Variants in VEPH1 observed in about 807,000 individuals in gnomAD.
VEPH1 encodes ventricular zone expressed PH domain containing 1, also known as ventricular zone-expressed PH domain-containing protein homolog 1.
VEPH1 carries 80 observed loss-of-function variants against 85.2 expected under a neutral mutation model. That is an observed-to-expected ratio of 0.94 (90% CI 0.78 to 1.13). The LOEUF is 1.13. Ranked by LOEUF, VEPH1 falls within the 50% of genes most tolerant of loss-of-function variation. The pLI is 0.00. For synonymous variants in VEPH1, 297 were observed against 348.0 expected (o/e 0.85, Z 1.63); for missense variants, 955 against 980.5 (o/e 0.97, Z 0.35).
intron 2 of VEPH1, among the ~76,000 whole-genome samples, chr3:157,482,121 T>C (rs1738162713): frequency 6.6e-6 from 1 of 152,232 alleles, no homozygotes; most frequent in African/African-American, 2.4e-5. Flanking sequence ...TCCAGCTTTG[T>C]AATTTTTGCT....
intron 2 of VEPH1, among the ~76,000 whole-genome samples, chr3:157,470,772 A>C (rs58646566): frequency 0.02 from 3,010 of 152,252 alleles, 123 homozygotes; most frequent in African/African-American, 0.07. Flanking sequence ...GGGATCCCTG[A>C]GAGTACACAG....
chr3:157,473,775 T>C lies in VEPH1; in HGVS notation c.139-3246A>G, dbSNP rs190452933. 1.6e-4 allele frequency among the ~76,000 whole-genome samples: 25 copies of C among 152,242 alleles called. 1 individual carries two copies. Among genetic ancestry groups the C allele is most frequent in the African/African-American group, 4.8e-4 (20 of 41,580 alleles). The stretch of plus-strand genomic sequence containing the variant: ...GGTGAGAGATTTTATAATATTATAA[T>C]TTACAATATTAAAGAGGTATCAGTC... On this transcript the variant is annotated intron_variant, in intron 2 of 13. Coordinates refer to ENST00000362010, the MANE Select transcript of VEPH1 (RefSeq NM_001167912.2).
intron 1 of VEPH1, among the ~76,000 whole-genome samples, chr3:157,497,229 A>T (rs1009978603): frequency 6.6e-6 from 1 of 152,146 alleles, no homozygotes; most frequent in Non-Finnish European, 1.5e-5. Flanking sequence ...CAGGGTTATC[A>T]AGCAAGAAAA....
chr3:157,267,852 A>G (rs1474627446), intron 12 of VEPH1, among the ~76,000 whole-genome samples: 2 of 152,204 alleles, frequency 1.3e-5, no homozygotes, highest in African/African-American at 2.4e-5. Flanking sequence ...AATATAGAAT[A>G]GGGAGTAAGT....
At chr3:157,379,090 C>T (rs1449234175) in intron 7 of VEPH1, among the ~76,000 whole-genome samples, 2 of 152,144 alleles carry the variant, frequency 1.3e-5, no homozygotes, top group South Asian at 2.1e-4. Context: ...CTGTTAATTC[C>T]TGTGCTAAGA....
At chr3:157,363,843 C>A in intron 8 of VEPH1, 82 bp from the exon 9 acceptor site, 2 of 1,485,174 alleles carry the variant, frequency 1.3e-6, no homozygotes, top group Admixed American at 4.1e-5. Flanking sequence ...AATATTGGGA[C>A]AAAAAGTTAC....
chr3:157,421,490 C>T (rs570575601), intron 5 of VEPH1, among the ~76,000 whole-genome samples: 1 of 152,340 alleles, frequency 6.6e-6, no homozygotes, highest in East Asian at 1.9e-4. Context: ...AGTTAGCTTC[C>T]TATTTCACCT....
chr3:157,482,570 TG>T (rs1316329181), intron 2 of VEPH1, among the ~76,000 whole-genome samples: 1 of 152,168 alleles, frequency 6.6e-6, no homozygotes, highest in Admixed American at 6.5e-5. Context: ...TAAATTGCTT[TG>T]GGCAGTATGG....
chr3:157,389,410 A>C (rs1729624125), intron 6 of VEPH1, among the ~76,000 whole-genome samples: 1 of 152,200 alleles, frequency 6.6e-6, no homozygotes. Flanking sequence ...ACTTGTTTAC[A>C]GTATGAGAGC....
chr3:157,363,150 T>C (rs968158558), intron 9 of VEPH1: 16 of 419,446 alleles, frequency 3.8e-5, no homozygotes, highest in Non-Finnish European at 5.8e-5. Flanking sequence ...AGTGGACTTA[T>C]GTGCACCCAA....
chr3:157,300,990 C>T (rs911169181), intron 11 of VEPH1, among the ~76,000 whole-genome samples: 1 of 152,226 alleles, frequency 6.6e-6, no homozygotes, highest in Non-Finnish European at 1.5e-5. Flanking sequence ...ATGTGAACCT[C>T]TCCTCTTATG....
intron 9 of VEPH1, among the ~76,000 whole-genome samples, chr3:157,353,411 G>T (rs1236919280): frequency 1.3e-5 from 2 of 152,100 alleles, no homozygotes; most frequent in East Asian, 3.9e-4. Context: ...GCGACCAGAG[G>T]CATGCCACCA....
intron 7 of VEPH1, among the ~76,000 whole-genome samples, chr3:157,371,045 C>T (rs1727428567): frequency 6.6e-6 from 1 of 152,142 alleles, no homozygotes; most frequent in African/African-American, 2.4e-5. Context: ...ATGGTAAAAC[C>T]CTGAGTGGCT....
At chr3:157,337,572 T>C (rs1036697543) in intron 9 of VEPH1, among the ~76,000 whole-genome samples, 2 of 152,200 alleles carry the variant, frequency 1.3e-5, no homozygotes, top group Non-Finnish European at 2.9e-5. Context: ...CTAAAAGTGG[T>C]AAAATGATAA....
At chr3:157,413,587 C>T (rs1003122425) in intron 6 of VEPH1, 9 of 985,218 alleles carry the variant, frequency 9.1e-6, no homozygotes, top group Non-Finnish European at 1.1e-5. Context: ...GGTGACACAG[C>T]AGCAATAAAA....
intron 3 of VEPH1, among the ~76,000 whole-genome samples, chr3:157,462,684 T>G (rs1046929691): frequency 2.0e-5 from 3 of 152,182 alleles, no homozygotes; most frequent in African/African-American, 7.2e-5. Flanking sequence ...CATTCTATGA[T>G]TTTTCTCTGA....
intron 9 of VEPH1, among the ~76,000 whole-genome samples, chr3:157,333,096 C>G (rs1165196977): frequency 6.6e-6 from 1 of 152,060 alleles, no homozygotes; most frequent in African/African-American, 2.4e-5. Flanking sequence ...CTGATATTTC[C>G]AGGAATTTGG....
chr3:157,480,524 C>T (rs1197834566), intron 2 of VEPH1, among the ~76,000 whole-genome samples: 1 of 151,954 alleles, frequency 6.6e-6, no homozygotes, highest in African/African-American at 2.4e-5. Flanking sequence ...AATGCTTAGC[C>T]CCCACTTATA....
intron 4 of VEPH1, among the ~76,000 whole-genome samples, chr3:157,453,328 C>G (rs529604283): frequency 1.8e-4 from 27 of 152,250 alleles, no homozygotes; most frequent in Non-Finnish European, 2.4e-4. Flanking sequence ...TCTTCCTCAT[C>G]ATCAAGTCGT....
Sources: gnomAD v4.1 joint callset for allele counts (sites outside exome capture counted in the v4.1 genomes callset) on GRCh38, gnomAD v4.1.1 for gene constraint, MANE v1.5 for transcripts, NCBI Gene and HGNC (gene_info 2026-07-23, HGNC 2026-07-21) for gene names.